The following ADGRG4 variants were observed in gnomAD, a reference collection of about 807,000 sequenced individuals.
The protein encoded by ADGRG4 is G protein-coupled receptor 112.
ADGRG4 carries 122 observed loss-of-function variants against 126.2 expected under a neutral mutation model. That is an observed-to-expected ratio of 0.97 (90% CI 0.83 to 1.12). The LOEUF is 1.12. Among genes scored for constraint, ADGRG4 ranks in the 50% most tolerant of loss-of-function variants. ADGRG4 has a pLI of 0.00. For missense variants in ADGRG4, 2,481 were observed against 2,251.8 expected (o/e 1.10, Z -2.06); for synonymous variants, 943 against 838.7 (o/e 1.12, Z -2.15).
At chrX:136,383,994 C>A (rs1482523119) in intron 15 of ADGRG4, among the ~76,000 whole-genome samples, 1 of 109,102 alleles carries the variant, frequency 9.2e-6, no homozygotes, top group Non-Finnish European at 1.9e-5. Context: ...CGGGTTCAAG[C>A]GATTCTCGTG....
intron 4 of ADGRG4, among the ~76,000 whole-genome samples, chrX:136,319,763 A>G (rs1440033728): frequency 9.2e-6 from 1 of 109,132 alleles, no homozygotes; most frequent in Non-Finnish European, 1.9e-5. Context: ...TCTATCTATT[A>G]TCTATTATTT....
At chrX:136,316,852 A>G (rs1003519925) in intron 4 of ADGRG4, among the ~76,000 whole-genome samples, 2 of 111,526 alleles carry the variant, frequency 1.8e-5, no homozygotes, top group African/African-American at 6.5e-5. Context: ...CTTTTGCTAA[A>G]AGTTCCCTAA....
At chrX:136,374,294 C>T (rs1333188980) in intron 15 of ADGRG4, among the ~76,000 whole-genome samples, 1 of 110,667 alleles carries the variant, frequency 9.0e-6, no homozygotes, top group African/African-American at 3.3e-5. Context: ...TGGATTGTTT[C>T]CAGTTTGGCT....
intron 5 of ADGRG4, among the ~76,000 whole-genome samples, chrX:136,338,826 A>T (rs1157880218): frequency 8.9e-6 from 1 of 111,991 alleles, no homozygotes; most frequent in Non-Finnish European, 1.9e-5. Flanking sequence ...GTCTTTTTTA[A>T]ATCTTTTATT....
chrX:136,392,028 A>C (rs1359800126), intron 16 of ADGRG4, among the ~76,000 whole-genome samples: 1 of 112,381 alleles, frequency 8.9e-6, no homozygotes, highest in African/African-American at 3.2e-5. Context: ...TGGATGGATT[A>C]ATGAATTGTT....
At chrX:136,325,341 G>A (rs895365234) in intron 5 of ADGRG4, among the ~76,000 whole-genome samples, 2 of 111,909 alleles carry the variant, frequency 1.8e-5, no homozygotes, top group African/African-American at 6.5e-5. Flanking sequence ...GTTTCTTTGA[G>A]ATTAGACCAA....
chrX:136,356,759 A>C (rs774111044), intron 9 of ADGRG4, among the ~76,000 whole-genome samples: 161 of 112,288 alleles, frequency 1.4e-3, no homozygotes, highest in Non-Finnish European at 2.3e-3. Flanking sequence ...GAGATTTGGG[A>C]GGCTGAGGTG....
rs756702656 is a variant in ADGRG4 at position 136,382,313 on chromosome X, T to C, written c.7777-5427T>C. Reference sequence around the variant, plus strand: ...TGATATGAAGTCAGTAAATCCTATGTCACACGATAAAAGAAAAAAAAATAA... The same window carrying C: ...TGATATGAAGTCAGTAAATCCTATGCCACACGATAAAAGAAAAAAAAATAA... On this transcript the variant is annotated intron_variant, in intron 15 of 25. Transcript: ENST00000394143. 6.3e-5 allele frequency among the ~76,000 whole-genome samples: 7 copies of C among 111,863 alleles called. No individual in the cohort carries two copies. The East Asian group carries it at 2.0e-3, about 31-fold the overall frequency.
chrX:136,347,824 C>T lies in ADGRG4; in HGVS notation c.4118C>T (p.Thr1373Ile). 8.3e-7 allele frequency: 1 copy of T among 1,209,195 alleles called. No individual in the cohort carries two copies. The highest frequency in any genetic ancestry group is 2.3e-4 in the Middle Eastern group (1 of 4,340). ...TALPSQALTI[T>I]TFLCPEKEST... ...CTCCCCTCACAAGCTCTGACAATCA[C>T]CACTTTTTTGTGTCCTGAAAAGGAA... The change falls in exon 6 of 26, where the codon ACC (threonine) becomes ATC (isoleucine). Residue 1373 changes from threonine to isoleucine, a missense_variant. Coordinates refer to ENST00000394143, the MANE Select transcript of ADGRG4 (RefSeq NM_153834.4).
intron 19 of ADGRG4, among the ~76,000 whole-genome samples, chrX:136,395,909 G>A (rs2075344553): frequency 8.9e-6 from 1 of 111,925 alleles, no homozygotes; most frequent in African/African-American, 3.2e-5. Flanking sequence ...AAATGTGTAT[G>A]TATCTATTAT....
At chrX:136,315,824 A>G (rs1483140568) in intron 4 of ADGRG4, among the ~76,000 whole-genome samples, 4 of 112,210 alleles carry the variant, frequency 3.6e-5, no homozygotes, top group Admixed American at 9.4e-5. Flanking sequence ...ACATGCACAC[A>G]GGGAGATCAC....
intron 5 of ADGRG4, among the ~76,000 whole-genome samples, chrX:136,336,576 C>T (rs1486417236): frequency 1.8e-5 from 2 of 111,557 alleles, no homozygotes; most frequent in African/African-American, 6.5e-5. Flanking sequence ...TGAAGCAATG[C>T]ATTTATTATT....
chrX:136,326,643 C>A (rs2074875221), intron 5 of ADGRG4, among the ~76,000 whole-genome samples: 1 of 111,051 alleles, frequency 9.0e-6, no homozygotes, highest in South Asian at 3.8e-4. Flanking sequence ...TCATTGCCTG[C>A]CTCACCACTG....
intron 13 of ADGRG4, among the ~76,000 whole-genome samples, chrX:136,369,662 G>T (rs934829460): frequency 5.3e-5 from 6 of 112,252 alleles, no homozygotes; most frequent in African/African-American, 1.6e-4. Context: ...GCAGTAGAAA[G>T]GTCCGTGAAT....
intron 13 of ADGRG4, among the ~76,000 whole-genome samples, chrX:136,366,895 TTC>T (rs34245123): frequency 0.49 from 53,276 of 109,751 alleles, 9,561 homozygotes; most frequent in Middle Eastern, 0.58. Context: ...TACGTTGAAA[TTC>T]TAAGCCCAGT....
In ADGRG4 at chrX:136,345,806, C is replaced by T; in HGVS notation, c.2100C>T (p.Thr700=). Residue 700 remains threonine, a synonymous_variant, in exon 6 of 26, where the codon ACC becomes ACT. Coordinates refer to ENST00000394143, the MANE Select transcript of ADGRG4 (RefSeq NM_153834.4). The part of the protein sequence containing the change: ...TTYTEYLSAT[T]NITPLKASPE... ...ATACAGAATATTTATCCGCAACTAC[C>T]AATATCACCCCACTGAAAGCATCTC... 8.3e-7 allele frequency: 1 copy of T among 1,210,051 alleles called. No individual in the cohort carries two copies. Among genetic ancestry groups the T allele is most frequent in the Non-Finnish European group, 1.1e-6 (1 of 894,250 alleles).
intron 5 of ADGRG4, among the ~76,000 whole-genome samples, chrX:136,343,277 G>C (rs903742827): frequency 1.8e-5 from 2 of 110,946 alleles, no homozygotes; most frequent in African/African-American, 6.6e-5. Flanking sequence ...TACCAGAAGA[G>C]GACCCAGTTT....
Position 136,374,334 on chromosome X carries a change from T to C in ADGRG4, c.7776+1270T>C, listed in dbSNP as rs771090838. Reference sequence around the variant, plus strand: ...TGAATAATCCTGCTATGAACCTTTGTGTATAAGTCTTTATGTGATCATATT... The same window carrying C: ...TGAATAATCCTGCTATGAACCTTTGCGTATAAGTCTTTATGTGATCATATT... On this transcript the variant is annotated intron_variant, in intron 15 of 25. Coordinates refer to ENST00000394143, the MANE Select transcript of ADGRG4 (RefSeq NM_153834.4). Among the ~76,000 whole-genome samples the C allele has an allele frequency of 3.6e-5, 4 of 111,827 alleles. No individual in the cohort carries two copies. In the South Asian group the frequency reaches 1.5e-3, roughly 42 times the overall value.
intron 18 of ADGRG4, 84 bp from the exon 19 acceptor site, chrX:136,395,306 A>G (rs1222628322): frequency 1.6e-5 from 8 of 497,662 alleles, no homozygotes; most frequent in Non-Finnish European, 2.0e-5. Flanking sequence ...ATTATAACAC[A>G]CGTTTGGATA....
Sources: gnomAD v4.1 joint callset for allele counts (sites outside exome capture counted in the v4.1 genomes callset) on GRCh38, gnomAD v4.1.1 for gene constraint, MANE v1.5 for transcripts, NCBI Gene and HGNC (gene_info 2026-07-23, HGNC 2026-07-21) for gene names.